The following HIVEP3 variants were observed in gnomAD, a reference collection of about 807,000 sequenced individuals.
The protein encoded by HIVEP3 is transcription factor HIVEP3.
In HIVEP3, 49 loss-of-function variants were observed where a neutral mutation model predicts 152.8. The ratio of observed to expected loss-of-function variants is 0.32; its 90% CI spans 0.26 to 0.41. The LOEUF is 0.41. HIVEP3 is among the 10% of genes least tolerant of loss of function. HIVEP3 has a pLI of 1.00. For missense variants in HIVEP3, 2,790 were observed against 3,103.3 expected, an observed-to-expected ratio of 0.90 and a Z score of 2.40; for synonymous variants, 1,269 against 1,289.0, an observed-to-expected ratio of 0.98 and a Z score of 0.33.
intron 5 of HIVEP3, among the ~76,000 whole-genome samples, chr1:41,564,938 C>T (rs972668504): frequency 4.6e-5 from 7 of 152,264 alleles, no homozygotes; most frequent in Non-Finnish European, 8.8e-5. Context: ...AGGGGAGCCC[C>T]GGGGCAGTCA....
At position 41,782,299 on chromosome 1, in the gene HIVEP3, G is replaced by A. The variant is rs150840445; in HGVS notation, c.-800-81304C>T. 7.4e-3 allele frequency among the ~76,000 whole-genome samples: 1,133 copies of A among 152,356 alleles called. 5 individuals are homozygous for A. The highest frequency in any genetic ancestry group is 0.014 in the Admixed American group (209 of 15,302). Reference sequence around the variant, plus strand: ...CAGAGAGCAGAATGGTGATTGCCAGGGGCTGTGGGCAGAAGGGAAAGGGAA... The same window carrying A: ...CAGAGAGCAGAATGGTGATTGCCAGAGGCTGTGGGCAGAAGGGAAAGGGAA... On this transcript the variant is annotated intron_variant, in intron 1 of 8. Coordinates refer to ENST00000372583, the MANE Select transcript of HIVEP3 (RefSeq NM_024503.5).
rs1197068842 is a variant in HIVEP3, at chr1:41,510,360, G to A, written c.*91C>T. 5 of 1,166,668 alleles carry A rather than the reference G, an allele frequency of 4.3e-6. No individual in the cohort carries two copies. The highest frequency in any genetic ancestry group is 5.7e-6 in the Non-Finnish European group (5 of 874,492). The allele number at this position is 1,166,668 out of a possible 1,614,324, so 72.3% of individuals were successfully genotyped here. On this transcript the variant is annotated 3_prime_UTR_variant, in exon 9 of 9. Transcript: ENST00000372583. ...GAGCTCCTGGACGGAGGGACAGATG[G>A]GGCTGAGGAAGTGGGATGATTCGAG...
At chr1:41,948,542 AG>A (rs1161769513) in intron 1 of HIVEP3, among the ~76,000 whole-genome samples, 2 of 151,460 alleles carry the variant, frequency 1.3e-5, no homozygotes. Flanking sequence ...TTGAAGCCAA[AG>A]AGCCGCAAGG....
At chr1:41,978,058 T>C (rs1398396692) in intron 1 of HIVEP3, among the ~76,000 whole-genome samples, 2 of 152,256 alleles carry the variant, frequency 1.3e-5, no homozygotes, top group Non-Finnish European at 2.9e-5. Context: ...TTTTTATTCC[T>C]ACTTTTTTTT....
chr1:41,857,551 T>C (rs1214117848), intron 1 of HIVEP3, among the ~76,000 whole-genome samples: 1 of 152,224 alleles, frequency 6.6e-6, no homozygotes, highest in African/African-American at 2.4e-5. Context: ...GATGTACGTT[T>C]AGGCCCTTTC....
At chr1:41,978,325 G>T (rs1207413373) in intron 1 of HIVEP3, among the ~76,000 whole-genome samples, 3 of 152,050 alleles carry the variant, frequency 2.0e-5, no homozygotes, top group African/African-American at 7.2e-5. Flanking sequence ...GAAGCCCTAA[G>T]CCCCGATATG....
intron 2 of HIVEP3, among the ~76,000 whole-genome samples, chr1:41,695,849 A>G (rs759184693): frequency 1.2e-4 from 19 of 152,224 alleles, no homozygotes; most frequent in Non-Finnish European, 2.6e-4. Flanking sequence ...AATAATCCCA[A>G]CGTAAGGAAT....
At chr1:41,805,890 T>C (rs1294547415) in intron 1 of HIVEP3, among the ~76,000 whole-genome samples, 1 of 152,146 alleles carries the variant, frequency 6.6e-6, no homozygotes, top group Non-Finnish European at 1.5e-5. Context: ...GTTCTGTGTG[T>C]GTGTGTACAC....
intron 3 of HIVEP3, among the ~76,000 whole-genome samples, chr1:41,627,020 C>T (rs959273489): frequency 3.9e-5 from 6 of 152,204 alleles, no homozygotes; most frequent in African/African-American, 7.2e-5. Context: ...GGGAAGGACT[C>T]GAACCTGTCT....
intron 3 of HIVEP3, among the ~76,000 whole-genome samples, chr1:41,617,944 T>C (rs1030188894): frequency 7.9e-5 from 12 of 152,214 alleles, no homozygotes; most frequent in African/African-American, 2.9e-4. Context: ...CAGGCTCACA[T>C]GTCATTGGGT....
At chr1:41,879,659 G>C (rs1644230253) in intron 1 of HIVEP3, among the ~76,000 whole-genome samples, 2 of 152,074 alleles carry the variant, frequency 1.3e-5, no homozygotes. Flanking sequence ...TGTCTCCTCA[G>C]TCCACCTCTG....
chr1:41,534,598 T>G (rs1381127941), intron 5 of HIVEP3, among the ~76,000 whole-genome samples: 1 of 152,110 alleles, frequency 6.6e-6, no homozygotes. Context: ...GCCCCCATCA[T>G]CCCTGCGCGG....
At chr1:41,755,739 C>T (rs577031455) in intron 1 of HIVEP3, among the ~76,000 whole-genome samples, 24 of 152,146 alleles carry the variant, frequency 1.6e-4, no homozygotes, top group Admixed American at 5.9e-4. Flanking sequence ...ATGTCATTAG[C>T]CATTAGGGAA....
chr1:41,581,170 G>A lies in HIVEP3; in HGVS notation c.3628C>T (p.Pro1210Ser). 1.3e-6 allele frequency: 2 copies of A among 1,550,400 alleles called. No individual in the cohort carries two copies. Among genetic ancestry groups the A allele is most frequent in the Non-Finnish European group, 1.7e-6 (2 of 1,147,794 alleles). Reference sequence around the variant, plus strand: ...CTGAAGGGGATGTTGGCTGGGTGAGGCATGAGCTGGGGGAGATGGAGTTGG... The same window carrying A: ...CTGAAGGGGATGTTGGCTGGGTGAGACATGAGCTGGGGGAGATGGAGTTGG... ...PGQLHLPQLM[P>S]HPANIPFRQP... The change falls in exon 4 of 9, where the codon CCT (proline) becomes TCT (serine). Residue 1210 changes from proline (P) to serine (S), a missense_variant. Around this residue, in one of 9 missense-constraint regions of HIVEP3, gnomAD observed 1,078 missense variants for 1,165.3 expected, o/e 0.93. Coordinates refer to ENST00000372583, the MANE Select transcript of HIVEP3 (RefSeq NM_024503.5). The surrounding 1 kb of genome is among the most constrained non-coding windows in gnomAD (Gnocchi z 4.5).
At chr1:41,824,074 C>A (rs1642687467) in intron 1 of HIVEP3, among the ~76,000 whole-genome samples, 1 of 152,278 alleles carries the variant, frequency 6.6e-6, no homozygotes, top group South Asian at 2.1e-4. Context: ...CACTTTCATA[C>A]TAATCTAGCT....
rs1483547571 is a variant in HIVEP3 at position 41,581,922 on chromosome 1, G to T, written c.2876C>A (p.Ala959Asp). ...GCGCATGTCAGATGAGGGACTGGGGGCCTCGGCTTTCCCATGGTCATCCCT... is the reference window on the plus strand; with the variant it reads ...GCGCATGTCAGATGAGGGACTGGGGTCCTCGGCTTTCCCATGGTCATCCCT... ...FERDDHGKAE[A>D]PSPSSDMRPK... The change falls in exon 4 of 9, where the codon GCC (alanine) becomes GAC (aspartate). Residue 959 changes from alanine (A) to aspartate (D), a missense_variant. Physicochemically the swap from Ala to Asp is moderately radical, Grantham distance 126. This residue lies in a region of HIVEP3 where 1,078 missense variants were observed against 1,165.3 expected (regional missense o/e 0.93). Coordinates refer to ENST00000372583, the MANE Select transcript of HIVEP3 (RefSeq NM_024503.5). The surrounding 1 kb of genome is among the most constrained non-coding windows in gnomAD (Gnocchi z 4.5). The T allele has an allele frequency of 3.1e-6, 5 of 1,614,040 alleles. No individual in the cohort carries two copies. The highest frequency in any genetic ancestry group is 4.2e-6 in the Non-Finnish European group (5 of 1,180,026).
intron 1 of HIVEP3, among the ~76,000 whole-genome samples, chr1:41,879,962 T>G (rs1644234765): frequency 1.3e-5 from 2 of 152,208 alleles, no homozygotes; most frequent in Admixed American, 6.5e-5. Flanking sequence ...CCATTAAACC[T>G]CACCACAGTC....
chr1:41,552,231 C>T (rs10890116), intron 5 of HIVEP3, among the ~76,000 whole-genome samples: 127,211 of 152,026 alleles, frequency 0.84, 53,858 homozygotes, highest in Non-Finnish European at 0.89. Flanking sequence ...TTCATTATTA[C>T]TATACTTTAA....
intron 1 of HIVEP3, among the ~76,000 whole-genome samples, chr1:41,769,463 T>G (rs79273444): frequency 5.7e-4 from 75 of 130,442 alleles, no homozygotes; most frequent in African/African-American, 1.8e-3. Flanking sequence ...CATCCCTCTT[T>G]AGGTAATTAA....
Sources: allele counts gnomAD v4.1 joint callset (sites outside exome capture counted in the v4.1 genomes callset), GRCh38; gene constraint gnomAD v4.1.1; regional missense constraint gnomAD v4.1.1; non-coding constraint Gnocchi (gnomAD v3.1); transcripts MANE v1.5; gene names NCBI Gene and HGNC (gene_info 2026-07-23, HGNC 2026-07-21).